FRK: variants seen among roughly 807,000 people sequenced by gnomAD.
FRK encodes tyrosine-protein kinase FRK.
A neutral mutation model predicts 56.4 loss-of-function variants in FRK; 51 were observed. The observed-to-expected ratio is 0.90, with a 90% CI of 0.72 to 1.14. The LOEUF (loss-of-function observed/expected upper bound fraction) is 1.14. Ranked by LOEUF, FRK falls within the 50% of genes most tolerant of loss-of-function variation. The pLI, the probability that FRK is intolerant of heterozygous loss-of-function variation, is 0.00. For missense variants in FRK, 570 were observed against 601.4 expected (o/e 0.95, Z 0.55); for synonymous variants, 245 against 217.9 (o/e 1.12, Z -1.10).
chr6:116,056,696 G>C (rs1777412834), intron 1 of FRK, among the ~76,000 whole-genome samples: 1 of 152,096 alleles, frequency 6.6e-6, no homozygotes, highest in South Asian at 2.1e-4. Flanking sequence ...AAATATTAAA[G>C]AAAGTTCTGA....
At chr6:115,991,034 T>G (rs1937025807) in intron 2 of FRK, among the ~76,000 whole-genome samples, 1 of 151,848 alleles carries the variant, frequency 6.6e-6, no homozygotes, top group South Asian at 2.1e-4. Flanking sequence ...GTTGTGGCTA[T>G]TGCAAATAAG....
Position 116,018,188 on chromosome 6 carries a change from C to T in FRK, c.345-14190G>A, listed in dbSNP as rs538555576. ...ACAAAATTCTCCATGTTTCTGTATG[C>T]AAAGCAGTTTGATTTCCTACCCAAC... On this transcript the variant is annotated intron_variant, in intron 1 of 7. Transcript: ENST00000606080. Among the ~76,000 whole-genome samples, 9 of 152,258 alleles carry T rather than the reference C, an allele frequency of 5.9e-5. No individual in the cohort carries two copies. The South Asian group carries it at 8.3e-4, about 14-fold the overall frequency.
intron 1 of FRK, among the ~76,000 whole-genome samples, chr6:116,020,262 C>A (rs1775816483): frequency 6.6e-6 from 1 of 151,952 alleles, no homozygotes; most frequent in Non-Finnish European, 1.5e-5. Context: ...TTAAAGTGAT[C>A]TCTTCTTTTG....
At chr6:115,956,920 T>G (rs762539909) in intron 4 of FRK, among the ~76,000 whole-genome samples, 32 of 152,198 alleles carry the variant, frequency 2.1e-4, no homozygotes, top group Non-Finnish European at 4.3e-4. Flanking sequence ...ACAAGGCATC[T>G]TAACACAAAA....
At chr6:116,039,409 G>T (rs1776626179) in intron 1 of FRK, 1 of 1,573,574 alleles carries the variant, frequency 6.4e-7, no homozygotes, top group East Asian at 2.2e-5. Context: ...CAAGGAGCTG[G>T]CCAGCCAGCC....
chr6:116,043,909 A>T (rs1776833509), intron 1 of FRK, among the ~76,000 whole-genome samples: 1 of 152,186 alleles, frequency 6.6e-6, no homozygotes, highest in African/African-American at 2.4e-5. Flanking sequence ...GGATATCACC[A>T]CTGATCCCAC....
At chr6:116,028,576 G>A (rs1776185902) in intron 1 of FRK, among the ~76,000 whole-genome samples, 1 of 152,104 alleles carries the variant, frequency 6.6e-6, no homozygotes, top group African/African-American at 2.4e-5. Flanking sequence ...CCTAGCTTCT[G>A]GTGTTTTGTT....
intron 2 of FRK, among the ~76,000 whole-genome samples, chr6:115,982,366 C>A (rs1372627210): frequency 6.6e-6 from 1 of 152,098 alleles, no homozygotes; most frequent in African/African-American, 2.4e-5. Context: ...GATCATGGGA[C>A]CTCTCAGCCT....
rs369478559 is a variant in FRK, at chr6:115,975,975, T to C, written c.467-7236A>G. ...TGCACGTTAACTTCTATATGGACTA[T>C]ACCACCGGTCACCTGATTATTTGGC... On this transcript the variant is annotated intron_variant, in intron 2 of 7. Transcript: ENST00000606080. 1.9e-3 allele frequency among the ~76,000 whole-genome samples: 284 copies of C among 152,238 alleles called. 12 individuals carry two copies. In the South Asian group the frequency reaches 0.036, roughly 19 times the overall value.
Position 115,933,415 on chromosome 6 carries a change from ATT to A in FRK, c.*8997_*8998del, listed in dbSNP as rs575640324. 2.8e-3 allele frequency: 431 copies of A among 152,278 alleles called. 4 individuals carry two copies. The highest frequency in any genetic ancestry group is 1.0e-2 in the African/African-American group (414 of 41,550). The allele number at this position is 152,278 out of a possible 1,614,324, so 9.4% of individuals were successfully genotyped here. ...AAATTTATGGCAGTTAAAAAAATCT[ATT>A]ACTGTTTCTCATAACTGAATCCATT... On this transcript the variant is annotated 3_prime_UTR_variant, in exon 8 of 8. Coordinates refer to ENST00000606080, the MANE Select transcript of FRK (RefSeq NM_002031.3).
chr6:116,061,433 C>T (rs1398216859), upstream of FRK, among the ~76,000 whole-genome samples: 3 of 151,366 alleles, frequency 2.0e-5, no homozygotes, highest in African/African-American at 4.9e-5. Flanking sequence ...CACACACACA[C>T]GCTACACACC....
chr6:116,000,373 G>C (rs1775017852), intron 2 of FRK, among the ~76,000 whole-genome samples: 1 of 151,332 alleles, frequency 6.6e-6, no homozygotes, highest in Admixed American at 6.6e-5. Flanking sequence ...CTCCCTAGTA[G>C]CTGGAATTAC....
At chr6:116,031,466 G>A (rs1212537697) in intron 1 of FRK, among the ~76,000 whole-genome samples, 2 of 152,098 alleles carry the variant, frequency 1.3e-5, no homozygotes, top group Non-Finnish European at 2.9e-5. Flanking sequence ...AGCTCTAATG[G>A]TTGAGAAGAG....
In FRK at chr6:116,000,056, C is replaced by T. The variant is rs550904892; in HGVS notation, c.466+3821G>A. On this transcript the variant is annotated intron_variant, in intron 2 of 7. Coordinates refer to ENST00000606080, the MANE Select transcript of FRK (RefSeq NM_002031.3). ...GCTCCAGAGTATTCACAGCACATAA[C>T]AGCCAATATCCTTGTAATTTTTTTC... Among the ~76,000 whole-genome samples the T allele has an allele frequency of 5.9e-5, 9 of 152,250 alleles. No individual in the cohort carries two copies. In the South Asian group the frequency reaches 1.7e-3, roughly 28 times the overall value.
chr6:115,956,084 C>G (rs1433444109), intron 5 of FRK, among the ~76,000 whole-genome samples: 3 of 152,100 alleles, frequency 2.0e-5, no homozygotes, highest in Non-Finnish European at 4.4e-5. Context: ...TCCATGTCCC[C>G]GAATTCTATG....
chr6:116,097,855 C>T, the FRK span, among the ~76,000 whole-genome samples: 1 of 152,182 alleles, frequency 6.6e-6, no homozygotes, highest in Non-Finnish European at 1.5e-5. Context: ...AACATAAACC[C>T]AAGTTCATGT....
At chr6:116,009,767 T>A (rs1233701750) in intron 1 of FRK, among the ~76,000 whole-genome samples, 1 of 152,216 alleles carries the variant, frequency 6.6e-6, no homozygotes, top group East Asian at 1.9e-4. Flanking sequence ...ATGTAAATTA[T>A]CAAGTGTCTA....
chr6:115,964,043 GC>G (rs1773479907), intron 4 of FRK, among the ~76,000 whole-genome samples: 1 of 21,364 alleles, frequency 4.7e-5, no homozygotes, highest in Non-Finnish European at 8.7e-5. Context: ...GGAAGTTCTG[GC>G]CAGGGCAATC....
At position 115,996,908 on chromosome 6, in the gene FRK, A is replaced by G. The variant is rs952646734; in HGVS notation, c.466+6969T>C. ...ACAAGGTCAACAAGAAAGGAGACAC[A>G]ACTTTCCTAAGGAAGCTGTTACTGT... On this transcript the variant is annotated intron_variant, in intron 2 of 7. Coordinates refer to ENST00000606080, the MANE Select transcript of FRK (RefSeq NM_002031.3). Among the ~76,000 whole-genome samples the G allele has an allele frequency of 3.3e-5, 5 of 152,218 alleles. 1 individual carries two copies. In the South Asian group the frequency reaches 1.0e-3, roughly 31 times the overall value.
Sources: gnomAD v4.1 joint callset for allele counts (sites outside exome capture counted in the v4.1 genomes callset) on GRCh38, gnomAD v4.1.1 for gene constraint, MANE v1.5 for transcripts, NCBI Gene and HGNC (gene_info 2026-07-23, HGNC 2026-07-21) for gene names.